Variants in ASAP1 observed in about 807,000 individuals in gnomAD.
The protein encoded by ASAP1 is arf-GAP with SH3 domain, ANK repeat and PH domain-containing protein 1.
In ASAP1, 43 loss-of-function variants were observed where a neutral mutation model predicts 145.2. The ratio of observed to expected loss-of-function variants is 0.30; its 90% CI spans 0.23 to 0.38. The LOEUF (loss-of-function observed/expected upper bound fraction) is 0.38, where lower values mean the gene tolerates loss of function less well. ASAP1 is among the 10% of genes least tolerant of loss of function. The pLI, the probability that ASAP1 is intolerant of heterozygous loss-of-function variation, is 1.00. For synonymous variants in ASAP1, 546 were observed against 515.5 expected, an observed-to-expected ratio of 1.06 and a Z score of -0.80; for missense variants, 1,018 against 1,355.3, an observed-to-expected ratio of 0.75 and a Z score of 3.91.
intron 1 of ASAP1, among the ~76,000 whole-genome samples, chr8:130,419,289 A>C (rs1158537030): frequency 6.6e-6 from 1 of 152,184 alleles, no homozygotes; most frequent in Non-Finnish European, 1.5e-5. Flanking sequence ...TGTGGGCCTC[A>C]CTGGCTTAAA....
intron 11 of ASAP1, among the ~76,000 whole-genome samples, chr8:130,162,693 C>T (rs1356431625): frequency 6.6e-6 from 1 of 152,054 alleles, no homozygotes; most frequent in East Asian, 1.9e-4. Context: ...TGGCGGGCGC[C>T]TGTACTCCCA....
chr8:130,097,126 CAAAAAAAAAAAAAAA>C (rs61591724), intron 24 of ASAP1, among the ~76,000 whole-genome samples: 877 of 53,600 alleles, frequency 0.016, 19 homozygotes, highest in African/African-American at 0.066. Flanking sequence ...AGTTAGTCTC[CAAAAAAAAAAAAAAA>C]AAAAAAAAAA....
At chr8:130,065,059 T>A (rs984518978) in intron 27 of ASAP1, among the ~76,000 whole-genome samples, 2 of 152,082 alleles carry the variant, frequency 1.3e-5, no homozygotes, top group Non-Finnish European at 2.9e-5. Context: ...TTTATTATTA[T>A]CTGTAGACAC....
intron 5 of ASAP1, among the ~76,000 whole-genome samples, chr8:130,189,885 G>A (rs115404904): frequency 0.015 from 2,317 of 152,046 alleles, 32 homozygotes; most frequent in Middle Eastern, 0.051. Context: ...GTTTTGATTC[G>A]CATTCCTCTG....
At chr8:130,068,113 A>G (rs1201871779) in intron 27 of ASAP1, among the ~76,000 whole-genome samples, 1 of 152,230 alleles carries the variant, frequency 6.6e-6, no homozygotes, top group Admixed American at 6.5e-5. Context: ...AAAAGTTACC[A>G]GTGGAATTCA....
At chr8:130,436,170 G>A (rs1830304585) in intron 1 of ASAP1, among the ~76,000 whole-genome samples, 1 of 152,204 alleles carries the variant, frequency 6.6e-6, no homozygotes, top group South Asian at 2.1e-4. Context: ...AAGGATGGAA[G>A]GGCAGGCTGA....
chr8:130,254,568 A>C (rs1819400095), intron 3 of ASAP1, among the ~76,000 whole-genome samples: 1 of 152,234 alleles, frequency 6.6e-6, no homozygotes, highest in South Asian at 2.1e-4. Flanking sequence ...ACATTAAAAG[A>C]TTAGAAGATA....
chr8:130,063,629 T>G (rs776203946), intron 27 of ASAP1, among the ~76,000 whole-genome samples: 5 of 152,134 alleles, frequency 3.3e-5, no homozygotes, highest in Non-Finnish European at 7.4e-5. Flanking sequence ...TTCATCTTCC[T>G]AAGAGCCCCG....
Position 130,128,050 on chromosome 8 carries a change from T to A in ASAP1, c.1258A>T (p.Thr420Ser), listed in dbSNP as rs903511873. The part of the protein sequence containing the change: ...VLTNSKEEAL[T>S]MAFRGEQSAG... ...CTCTGCTCTCCACGGAAGGCCATGG[T>A]TAGGGCCTCTTCTTTGCTATTTGTC... The change falls in exon 16 of 30, where the codon ACC becomes TCC. Residue 420 changes from threonine (T) to serine (S), a missense_variant. Transcript: ENST00000518721. 3 of 1,612,010 alleles carry A rather than the reference T, an allele frequency of 1.9e-6. No individual in the cohort carries two copies. The African/African-American group carries it at 4.0e-5, about 22-fold the overall frequency.
intron 24 of ASAP1, among the ~76,000 whole-genome samples, chr8:130,104,810 C>T (rs574357009): frequency 2.0e-5 from 3 of 152,072 alleles, no homozygotes; most frequent in Non-Finnish European, 4.4e-5. Context: ...CACAGAAAAA[C>T]CAAAAGTCTC....
intron 1 of ASAP1, among the ~76,000 whole-genome samples, chr8:130,426,227 A>G (rs1253021552): frequency 6.6e-6 from 1 of 152,054 alleles, no homozygotes; most frequent in Admixed American, 6.5e-5. Context: ...CTGCTCCGCC[A>G]TGTAAGATGT....
intron 3 of ASAP1, among the ~76,000 whole-genome samples, chr8:130,301,697 T>C (rs2137431078): frequency 6.6e-6 from 1 of 152,344 alleles, no homozygotes; most frequent in Non-Finnish European, 1.5e-5. Context: ...TATTTCCTTA[T>C]AGGTACATAA....
At chr8:130,263,990 T>C (rs1452246058) in intron 3 of ASAP1, among the ~76,000 whole-genome samples, 1 of 152,172 alleles carries the variant, frequency 6.6e-6, no homozygotes, top group Non-Finnish European at 1.5e-5. Flanking sequence ...CACTGACAAC[T>C]TAGGTTCTAG....
intron 3 of ASAP1, among the ~76,000 whole-genome samples, chr8:130,274,471 T>C (rs79054068): frequency 0.034 from 5,185 of 152,314 alleles, 119 homozygotes; most frequent in Middle Eastern, 0.065. Context: ...CTGTGGTTTA[T>C]GGTCTGAACC....
At chr8:130,259,474 T>G (rs1218801653) in intron 3 of ASAP1, among the ~76,000 whole-genome samples, 1 of 152,210 alleles carries the variant, frequency 6.6e-6, no homozygotes, top group Non-Finnish European at 1.5e-5. Flanking sequence ...AGGTCTCTCC[T>G]GCTGACTTTG....
intron 5 of ASAP1, among the ~76,000 whole-genome samples, chr8:130,189,090 A>T (rs1480143311): frequency 2.0e-5 from 3 of 152,200 alleles, no homozygotes; most frequent in African/African-American, 7.2e-5. Flanking sequence ...ATTTGATACA[A>T]GCGTACAATG....
At chr8:130,106,743 G>A (rs1268669063) in intron 24 of ASAP1, among the ~76,000 whole-genome samples, 2 of 152,204 alleles carry the variant, frequency 1.3e-5, no homozygotes, top group Non-Finnish European at 2.9e-5. Context: ...TATCCTTGAG[G>A]AGTTCTGCTC....
intron 2 of ASAP1, among the ~76,000 whole-genome samples, chr8:130,385,899 C>T (rs531283807): frequency 1.3e-5 from 2 of 152,300 alleles, no homozygotes; most frequent in African/African-American, 4.8e-5. Flanking sequence ...CCTTTGGTTC[C>T]TGTGGGTCTC....
At chr8:130,219,695 G>A (rs888151892) in intron 4 of ASAP1, among the ~76,000 whole-genome samples, 2 of 152,168 alleles carry the variant, frequency 1.3e-5, no homozygotes, top group Non-Finnish European at 2.9e-5. Flanking sequence ...AAAGAACAGA[G>A]AAATGTGATC....
Sources: allele counts gnomAD v4.1 joint callset (sites outside exome capture counted in the v4.1 genomes callset), GRCh38; gene constraint gnomAD v4.1.1; transcripts MANE v1.5; gene names NCBI Gene and HGNC (gene_info 2026-07-23, HGNC 2026-07-21).